The following BNIP3L variants were observed in gnomAD, a reference collection of about 807,000 sequenced individuals.
BNIP3L encodes the protein BCL2 interacting protein 3 like, also known as BCL2/adenovirus E1B 19 kDa protein-interacting protein 3-like.
A neutral mutation model predicts 25.5 loss-of-function variants in BNIP3L; 10 were observed. That is an observed-to-expected ratio of 0.39 (90% CI 0.24 to 0.67). The LOEUF is 0.67. BNIP3L is among the 30% of genes least tolerant of loss of function. The probability of loss-of-function intolerance (pLI) is 0.45; values close to 1 mark genes in which losing one functional copy is unlikely to be tolerated. For synonymous variants in BNIP3L, 113 were observed against 101.2 expected (o/e 1.12, Z -0.70); for missense variants, 215 against 270.9 (o/e 0.79, Z 1.45).
chr8:26,387,744 C>A (rs73564663), intron 1 of BNIP3L, among the ~76,000 whole-genome samples: 1,798 of 151,094 alleles, frequency 0.012, 30 homozygotes, highest in African/African-American at 0.041. Flanking sequence ...AAGAGAATTA[C>A]CCTTAATTAA....
chr8:26,410,583 C>A lies in BNIP3L; in HGVS notation c.*171C>A. 1 of 758,460 alleles carries A rather than the reference C, an allele frequency of 1.3e-6. No homozygotes were observed. The highest frequency in any genetic ancestry group is 2.2e-5 in the Admixed American group (1 of 44,690). The allele number at this position is 758,460 out of a possible 1,614,324, so 47.0% of individuals were successfully genotyped here. ...ATATTTTATTCAAACTCTGTTGAGG[C>A]ATTTTACTAACCTTATACCCTTTTT... On this transcript the variant is annotated 3_prime_UTR_variant, in exon 6 of 6. Coordinates refer to ENST00000380629, the MANE Select transcript of BNIP3L (RefSeq NM_004331.3).
chr8:26,390,604 A>T, intron 1 of BNIP3L: 3 of 952,596 alleles, frequency 3.1e-6, no homozygotes, highest in Non-Finnish European at 3.7e-6. Context: ...ATAGAGATAA[A>T]GCTTTTTTCT....
chr8:26,383,523 A>G (rs1585427679), intron 1 of BNIP3L: 1 of 347,572 alleles, frequency 2.9e-6, no homozygotes, highest in Non-Finnish European at 3.6e-6. Flanking sequence ...CCAGCAGCGG[A>G]GCCGGGCGGG....
intron 2 of BNIP3L, among the ~76,000 whole-genome samples, chr8:26,393,064 A>G (rs1278619986): frequency 2.6e-5 from 4 of 151,918 alleles, no homozygotes; most frequent in African/African-American, 9.7e-5. Context: ...TCCAGGCCCT[A>G]GATTAGTGGT....
Position 26,407,919 on chromosome 8 carries a change from A to G in BNIP3L, c.358-81A>G. 8 of 1,241,066 alleles carry G rather than the reference A, an allele frequency of 6.4e-6. No homozygotes were observed. The South Asian group carries it at 1.1e-4, about 17-fold the overall frequency. The allele number at this position is 1,241,066 out of a possible 1,614,324, so 76.9% of individuals were successfully genotyped here. On this transcript the variant is annotated intron_variant, in intron 3 of 5. Coordinates refer to ENST00000380629, the MANE Select transcript of BNIP3L (RefSeq NM_004331.3). ...TGAGACACAACCTTATGAGTTTGGT[A>G]TCTTTTCTGTCTAGATTTTTCTTTG... is the stretch of plus-strand genomic sequence containing the variant.
At chr8:26,392,136 A>C (rs949526480) in intron 2 of BNIP3L, among the ~76,000 whole-genome samples, 3 of 152,010 alleles carry the variant, frequency 2.0e-5, no homozygotes, top group African/African-American at 7.2e-5. Flanking sequence ...GTGTGGAATG[A>C]AACCAGGTCA....
In BNIP3L at chr8:26,399,902, A is replaced by G. The variant is rs905716253; in HGVS notation, c.357+4600A>G. 2.4e-3 allele frequency among the ~76,000 whole-genome samples: 348 copies of G among 144,142 alleles called. 3 individuals are homozygous for G. Among genetic ancestry groups the G allele is most frequent in the Admixed American group, 4.1e-3 (60 of 14,468 alleles). The allele number at this position is 144,142 out of a possible 152,430, so 94.6% of individuals were successfully genotyped here. On this transcript the variant is annotated intron_variant, in intron 3 of 5. Transcript: ENST00000380629. ...AAGGAGAACTACAAACCACTGCTCA[A>G]GGAAATAAAAGAGGATACAAAGAAA...
rs185119640 is a variant in BNIP3L, at chr8:26,409,474, G to A, written c.612-890G>A. 1.3e-3 allele frequency among the ~76,000 whole-genome samples: 191 copies of A among 152,204 alleles called. 1 individual carries two copies. The highest frequency in any genetic ancestry group is 4.6e-3 in the African/African-American group (189 of 41,516). ...CTTGCATACAGCTTTCCACACACCC[G>A]TCTTGTCTCTCTTGGGTGCTTGATC... On this transcript the variant is annotated intron_variant, in intron 5 of 5. Coordinates refer to ENST00000380629, the MANE Select transcript of BNIP3L (RefSeq NM_004331.3).
chr8:26,388,846 G>A (rs1050939635), intron 1 of BNIP3L, among the ~76,000 whole-genome samples: 1 of 129,162 alleles, frequency 7.7e-6, no homozygotes, highest in South Asian at 2.4e-4. Flanking sequence ...TAAATAAGTC[G>A]GGCATGGTGG....
chr8:26,407,970 T>A (rs752195320), intron 3 of BNIP3L, 30 bp from the exon 4 acceptor site: 1 of 1,602,454 alleles, frequency 6.2e-7, no homozygotes, highest in Non-Finnish European at 8.5e-7. Context: ...GTCTTCCTTT[T>A]TTTCTTAAAG....
intron 3 of BNIP3L, among the ~76,000 whole-genome samples, chr8:26,406,432 T>C (rs1806501159): frequency 6.6e-6 from 1 of 152,230 alleles, no homozygotes; most frequent in Non-Finnish European, 1.5e-5. Context: ...TTGTGGAACC[T>C]TAGGCAAGTT....
At chr8:26,395,796 G>T (rs1039008073) in intron 3 of BNIP3L, 1 of 154,512 alleles carries the variant, frequency 6.5e-6, no homozygotes, top group Non-Finnish European at 1.4e-5. Context: ...GCAGGGCGAG[G>T]CATTGCCTCA....
intron 3 of BNIP3L, among the ~76,000 whole-genome samples, chr8:26,405,799 T>A (rs1806486590): frequency 6.6e-6 from 1 of 152,156 alleles, no homozygotes; most frequent in Non-Finnish European, 1.5e-5. Context: ...TCTCAACACT[T>A]TGGGAGGCTG....
intron 3 of BNIP3L, among the ~76,000 whole-genome samples, chr8:26,403,035 G>A (rs1585438421): frequency 6.6e-6 from 1 of 152,210 alleles, no homozygotes; most frequent in Non-Finnish European, 1.5e-5. Flanking sequence ...GAAAATGTCA[G>A]GTTTTTGGCC....
intron 2 of BNIP3L, among the ~76,000 whole-genome samples, chr8:26,391,938 A>T (rs763509069): frequency 1.3e-5 from 2 of 152,312 alleles, no homozygotes; most frequent in Non-Finnish European, 2.9e-5. Flanking sequence ...AGGTTGCTTC[A>T]CGTTATAGCA....
intron 3 of BNIP3L, among the ~76,000 whole-genome samples, chr8:26,404,504 C>T (rs73217739): frequency 2.5e-4 from 38 of 152,212 alleles, no homozygotes; most frequent in Non-Finnish European, 4.3e-4. Flanking sequence ...CAGGCTAGAA[C>T]GATCAGAATC....
intron 3 of BNIP3L, chr8:26,395,509 T>C (rs1806214152): frequency 1.9e-6 from 1 of 539,364 alleles, no homozygotes; most frequent in East Asian, 3.1e-5. Context: ...TCTAAACGAA[T>C]TGGAAAATTC....
Position 26,383,169 on chromosome 8 carries a change from C to T in BNIP3L, c.39C>T (p.His13=), listed in dbSNP as rs1805893772. 6.3e-7 allele frequency: 1 copy of T among 1,577,082 alleles called. No homozygotes were observed. The highest frequency in any genetic ancestry group is 8.7e-7 in the Non-Finnish European group (1 of 1,152,326). Residue 13 remains histidine (H), a synonymous_variant, in exon 1 of 6, where the codon CAC becomes CAT. Coordinates refer to ENST00000380629, the MANE Select transcript of BNIP3L (RefSeq NM_004331.3). ...SHLVEPPPPL[H]NNNNNCEENE... ...TAGTCGAGCCGCCGCCGCCCCTGCACAACAACAACAACAACTGCGAGGAAA... is the reference window on the plus strand; with the variant it reads ...TAGTCGAGCCGCCGCCGCCCCTGCATAACAACAACAACAACTGCGAGGAAA...
intron 3 of BNIP3L, among the ~76,000 whole-genome samples, chr8:26,396,413 C>G (rs1806247955): frequency 1.1e-5 from 1 of 88,220 alleles, no homozygotes; most frequent in Non-Finnish European, 2.3e-5. Context: ...AGCTGAGGGT[C>G]CTGTCTGTTA....
Sources: allele counts gnomAD v4.1 joint callset (sites outside exome capture counted in the v4.1 genomes callset), GRCh38; gene constraint gnomAD v4.1.1; transcripts MANE v1.5; gene names NCBI Gene and HGNC (gene_info 2026-07-23, HGNC 2026-07-21).